The following STAU1 variants were observed in gnomAD, a reference collection of about 807,000 sequenced individuals.
STAU1 encodes the protein staufen double-stranded RNA binding protein 1.
In STAU1, 13 loss-of-function variants were observed where a neutral mutation model predicts 62.9. The observed-to-expected ratio is 0.21, with a 90% confidence interval of 0.13 to 0.33. The LOEUF (loss-of-function observed/expected upper bound fraction) is 0.33. Ranked by LOEUF, STAU1 falls within the 10% of genes least tolerant of loss-of-function variation. STAU1 has a pLI of 1.00. For synonymous variants in STAU1, 269 were observed against 265.1 expected (o/e 1.01, Z -0.14); for missense variants, 571 against 712.1 (o/e 0.80, Z 2.25).
intron 1 of STAU1, among the ~76,000 whole-genome samples, chr20:49,184,732 T>C (rs1446554385): frequency 3.3e-5 from 5 of 152,202 alleles, no homozygotes; most frequent in Admixed American, 6.5e-5. Context: ...AAAAATGTGT[T>C]GTGTCCTTTC....
At chr20:49,124,077 C>T (rs756495792) in intron 7 of STAU1, among the ~76,000 whole-genome samples, 2 of 152,234 alleles carry the variant, frequency 1.3e-5, no homozygotes, top group East Asian at 1.9e-4. Flanking sequence ...TTTCACCACG[C>T]GCCCCACAGA....
intron 1 of STAU1, among the ~76,000 whole-genome samples, chr20:49,177,508 C>A (rs920447865): frequency 6.6e-6 from 1 of 151,852 alleles, no homozygotes; most frequent in African/African-American, 2.4e-5. Context: ...GAAACCCCGT[C>A]TCTACTAAAA....
rs1350558368 is a variant in STAU1 at position 49,166,227 on chromosome 20, A to G, written c.-26T>C. ...GGTCACTTTCAACAAAAGTGAACAA[A>G]TGCAGGTAAACAGCTTTCAGTGCAG... On this transcript the variant is annotated 5_prime_UTR_variant, in exon 3 of 14. Coordinates refer to ENST00000371856, the MANE Select transcript of STAU1 (RefSeq NM_017453.4). 1 of 1,609,148 alleles carries G rather than the reference A, an allele frequency of 6.2e-7. No homozygotes were observed. The highest frequency in any genetic ancestry group is 1.1e-5 in the South Asian group (1 of 90,908).
chr20:49,213,773 C>G, the STAU1 span, among the ~76,000 whole-genome samples: 1 of 152,214 alleles, frequency 6.6e-6, no homozygotes, highest in South Asian at 2.1e-4. Flanking sequence ...TCACTACTGT[C>G]TCTTTCAAAC....
At chr20:49,121,357 G>A (rs543802873) in intron 8 of STAU1, among the ~76,000 whole-genome samples, 35 of 152,062 alleles carry the variant, frequency 2.3e-4, no homozygotes, top group Admixed American at 1.8e-3. Flanking sequence ...GCAGTGAGCC[G>A]AGATCACACC....
intron 6 of STAU1, among the ~76,000 whole-genome samples, chr20:49,127,916 G>A (rs929389831): frequency 6.6e-6 from 1 of 152,074 alleles, no homozygotes; most frequent in South Asian, 2.1e-4. Flanking sequence ...TTGGGAGGCC[G>A]AGGCAGGCGG....
At chr20:49,182,350 C>T (rs1046394617) in intron 1 of STAU1, among the ~76,000 whole-genome samples, 2 of 152,194 alleles carry the variant, frequency 1.3e-5, no homozygotes, top group South Asian at 4.1e-4. Context: ...CTTTTCTCTG[C>T]AGTAAGGTTT....
intron 9 of STAU1, among the ~76,000 whole-genome samples, chr20:49,119,386 C>T (rs750051937): frequency 3.9e-5 from 6 of 152,084 alleles, no homozygotes; most frequent in Non-Finnish European, 7.4e-5. Flanking sequence ...TCATGTTGCT[C>T]AGACTGGTCT....
chr20:49,203,623 A>C, the STAU1 span, among the ~76,000 whole-genome samples: 1 of 152,210 alleles, frequency 6.6e-6, no homozygotes, highest in African/African-American at 2.4e-5. Context: ...GTATTCTTTT[A>C]AATATGCATA....
At chr20:49,201,328 GAA>G in the STAU1 span, among the ~76,000 whole-genome samples, 1 of 151,798 alleles carries the variant, frequency 6.6e-6, no homozygotes, top group East Asian at 1.9e-4. Context: ...GAGGAAGGGA[GAA>G]AAAAAAGTCA....
At chr20:49,206,146 C>G in the STAU1 span, among the ~76,000 whole-genome samples, 3 of 123,386 alleles carry the variant, frequency 2.4e-5, no homozygotes, top group African/African-American at 8.4e-5. Flanking sequence ...CCACGCCCAG[C>G]TGATTTTTTT....
At chr20:49,135,638 T>A (rs750582655) in intron 6 of STAU1, among the ~76,000 whole-genome samples, 195 bp downstream of exon 6, 7 of 152,180 alleles carry the variant, frequency 4.6e-5, no homozygotes, top group Non-Finnish European at 8.8e-5. Flanking sequence ...TACACATCCA[T>A]GAATGCCCCT....
At chr20:49,162,172 T>C (rs2093458909) in intron 3 of STAU1, among the ~76,000 whole-genome samples, 1 of 152,208 alleles carries the variant, frequency 6.6e-6, no homozygotes, top group African/African-American at 2.4e-5. Context: ...AAGGCTGCCA[T>C]CCTCAGACCT....
intron 6 of STAU1, 72 bp downstream of exon 6, chr20:49,135,761 G>GA (rs1457823358): frequency 4.7e-5 from 54 of 1,146,852 alleles, no homozygotes; most frequent in Admixed American, 3.2e-4. Context: ...ATATTTAGGG[G>GA]AAAAAATAAC....
the STAU1 span, among the ~76,000 whole-genome samples, chr20:49,208,260 A>G: frequency 7.5e-3 from 1,144 of 152,066 alleles, 11 homozygotes; most frequent in Middle Eastern, 0.024. Flanking sequence ...GGGTTTCACC[A>G]TGTTCTCCAG....
At chr20:49,176,089 C>T (rs527537420) in intron 1 of STAU1, among the ~76,000 whole-genome samples, 10 of 152,152 alleles carry the variant, frequency 6.6e-5, no homozygotes, top group Non-Finnish European at 1.0e-4. Context: ...CCACCGCGCC[C>T]GGCAATAATG....
intron 5 of STAU1, 147 bp downstream of exon 5, chr20:49,151,435 T>C: frequency 1.3e-6 from 1 of 789,608 alleles, no homozygotes; most frequent in Non-Finnish European, 1.8e-6. Flanking sequence ...GCAAGAAAGC[T>C]ACAGAGCATA....
At chr20:49,213,483 C>A in the STAU1 span, among the ~76,000 whole-genome samples, 4 of 152,206 alleles carry the variant, frequency 2.6e-5, no homozygotes, top group African/African-American at 9.6e-5. Flanking sequence ...CTGCCTCGGG[C>A]TCCCAAAGTG....
intron 8 of STAU1, among the ~76,000 whole-genome samples, chr20:49,120,697 A>G (rs922368072): frequency 2.6e-5 from 4 of 152,264 alleles, no homozygotes; most frequent in East Asian, 1.9e-4. Context: ...AAAAACTGAA[A>G]TATCTTCCCG....
Sources: allele counts gnomAD v4.1 joint callset (sites outside exome capture counted in the v4.1 genomes callset), GRCh38; gene constraint gnomAD v4.1.1; transcripts MANE v1.5; gene names NCBI Gene and HGNC (gene_info 2026-07-23, HGNC 2026-07-21).